The following PRKDC variants were observed in gnomAD, a reference collection of about 807,000 sequenced individuals.
PRKDC encodes protein kinase, DNA-activated, catalytic subunit.
A neutral mutation model predicts 486.9 loss-of-function variants in PRKDC; 82 were observed. That is an observed-to-expected ratio of 0.17 (90% CI 0.14 to 0.20). The LOEUF is 0.20. Ranked by LOEUF, PRKDC falls within the 10% of genes least tolerant of loss-of-function variation. PRKDC has a pLI of 1.00. For missense variants in PRKDC, 4,504 were observed against 5,038.2 expected, an observed-to-expected ratio of 0.89 and a Z score of 3.21; for synonymous variants, 1,895 against 1,837.0, an observed-to-expected ratio of 1.03 and a Z score of -0.81.
intron 12 of PRKDC, 41 bp downstream of exon 12, chr8:47,936,312 A>G: frequency 6.4e-7 from 1 of 1,551,618 alleles, no homozygotes; most frequent in Non-Finnish European, 8.7e-7. Context: ...GAAGAAATGA[A>G]GATTAAATAC....
chr8:47,890,137 T>C (rs566501127), intron 32 of PRKDC, 120 bp downstream of exon 32: 49 of 380,898 alleles, frequency 1.3e-4, no homozygotes, highest in African/African-American at 8.8e-4. Context: ...AATATAATAA[T>C]AATAATAATA....
At chr8:47,822,396 C>A (rs897356231) in intron 64 of PRKDC, among the ~76,000 whole-genome samples, 1 of 151,974 alleles carries the variant, frequency 6.6e-6, no homozygotes, top group African/African-American at 2.4e-5. Flanking sequence ...ATCACAATAA[C>A]TTGATTTACA....
intron 49 of PRKDC, among the ~76,000 whole-genome samples, chr8:47,855,841 G>T (rs2088526682): frequency 6.6e-6 from 1 of 152,174 alleles, no homozygotes; most frequent in Non-Finnish European, 1.5e-5. Flanking sequence ...TAATCCATCT[G>T]GCTGCTGAGC....
At chr8:47,888,921 C>A in intron 33 of PRKDC, 93 bp downstream of exon 33, 1 of 1,328,676 alleles carries the variant, frequency 7.5e-7, no homozygotes, top group Non-Finnish European at 1.1e-6. Flanking sequence ...TAAGCCTTCC[C>A]TGAGGAAGCA....
intron 68 of PRKDC, among the ~76,000 whole-genome samples, chr8:47,812,063 T>A (rs1466280169): frequency 6.6e-6 from 1 of 152,210 alleles, no homozygotes; most frequent in Non-Finnish European, 1.5e-5. Context: ...ACTTAATGTA[T>A]AATAAAAATA....
intron 11 of PRKDC, among the ~76,000 whole-genome samples, chr8:47,938,797 G>A (rs566151384): frequency 6.6e-6 from 1 of 152,254 alleles, no homozygotes; most frequent in South Asian, 2.1e-4. Flanking sequence ...CCTGACCTCA[G>A]GCAATCTGCC....
At position 47,862,391 on chromosome 8, in the gene PRKDC, A is replaced by C. The variant is rs1038681711; in HGVS notation, c.5901T>G (p.Phe1967Leu). The C allele has an allele frequency of 2.5e-6, 4 of 1,613,920 alleles. No homozygotes were observed. Among genetic ancestry groups the C allele is most frequent in the Non-Finnish European group, 2.5e-6 (3 of 1,179,804 alleles). ...NELKFYQGFL[F>L]SEKPEKNLLI... ...GGCCTACCTTTTCTGGTTTTTCACT[A>C]AACAGAAAACCTTGGTAAAATTTTA... The change falls in exon 43 of 86, where the codon TTT becomes TTG. Residue 1967 changes from phenylalanine to leucine, a missense_variant. Phe to Leu is a conservative substitution (Grantham distance 22). This residue lies in a region of PRKDC where 1,592 missense variants were observed against 1,724.6 expected (regional missense o/e 0.92). Transcript: ENST00000314191.
chr8:47,942,040 C>T (rs1461091754), intron 10 of PRKDC, among the ~76,000 whole-genome samples: 1 of 152,186 alleles, frequency 6.6e-6, no homozygotes, highest in African/African-American at 2.4e-5. Flanking sequence ...AGGCAGGCAT[C>T]GCTAGGGAAC....
intron 68 of PRKDC, among the ~76,000 whole-genome samples, chr8:47,810,891 A>T (rs1219237949): frequency 6.6e-6 from 1 of 152,222 alleles, no homozygotes; most frequent in African/African-American, 2.4e-5. Flanking sequence ...TGATGAATAA[A>T]CAACAAAAAA....
At chr8:47,888,982 A>G (rs1411373750) in intron 33 of PRKDC, 32 bp downstream of exon 33, 1 of 1,593,482 alleles carries the variant, frequency 6.3e-7, no homozygotes, top group African/African-American at 1.3e-5. Context: ...ATTCCAGGAC[A>G]ACATGTCCCC....
intron 25 of PRKDC, among the ~76,000 whole-genome samples, chr8:47,907,062 G>A (rs1171302534): frequency 9.3e-5 from 14 of 150,150 alleles, no homozygotes; most frequent in African/African-American, 1.5e-4. Context: ...TTTTTGAGAC[G>A]GAGTCTCGCT....
At chr8:47,879,930 C>T (rs1388201169) in intron 38 of PRKDC, among the ~76,000 whole-genome samples, 2 of 150,730 alleles carry the variant, frequency 1.3e-5, no homozygotes, top group African/African-American at 2.4e-5. Flanking sequence ...CTGCAACCTC[C>T]GCCTCCCGGG....
chr8:47,953,152 A>G (rs999235368), intron 7 of PRKDC, among the ~76,000 whole-genome samples: 1 of 151,770 alleles, frequency 6.6e-6, no homozygotes, highest in South Asian at 2.1e-4. Context: ...AAAAAAAAAG[A>G]AAGTAATTTG....
At chr8:47,878,983 G>C (rs183994566) in intron 39 of PRKDC, among the ~76,000 whole-genome samples, 120 of 152,298 alleles carry the variant, frequency 7.9e-4, no homozygotes, top group African/African-American at 2.7e-3. Flanking sequence ...TCAGATAAGG[G>C]ATGCTCAACC....
In PRKDC at chr8:47,902,576, C is replaced by A. The variant is rs1432931768; in HGVS notation, c.3262G>T (p.Glu1088Ter). The change falls in exon 27 of 86, where the codon GAA (glutamate) becomes TAA (stop). Residue 1088 changes from glutamate to a stop codon, truncating the protein, a stop_gained. Coordinates refer to ENST00000314191, the MANE Select transcript of PRKDC (RefSeq NM_006904.7). LOFTEE classifies it high-confidence loss of function. ...ASLAFNNIYR[E>*]FREEESLVEQ... ...GTTGTGTAGCTTACAAACCTGAATT[C>A]CCTGTAGATATTATTAAAGGCAAGT... The A allele has an allele frequency of 6.4e-7, 1 of 1,572,456 alleles. No individual in the cohort carries two copies. Among genetic ancestry groups the A allele is most frequent in the Admixed American group, 1.9e-5 (1 of 52,530 alleles).
intron 83 of PRKDC, 150 bp from the exon 84 acceptor site, chr8:47,778,024 T>A (rs2086635389): frequency 1.2e-6 from 1 of 816,644 alleles, no homozygotes; most frequent in African/African-American, 1.7e-5. Flanking sequence ...CAGATGTGAG[T>A]TCCTATGCTC....
At chr8:47,890,163 A>ATG in intron 32 of PRKDC, 94 bp downstream of exon 32, 3 of 581,480 alleles carry the variant, frequency 5.2e-6, no homozygotes, top group Non-Finnish European at 7.7e-6. Flanking sequence ...AATAATGATA[A>ATG]ATTTTTATTA....
chr8:47,874,567 G>A (rs1026006148), intron 40 of PRKDC, among the ~76,000 whole-genome samples: 4 of 152,100 alleles, frequency 2.6e-5, no homozygotes, highest in African/African-American at 9.7e-5. Context: ...AGACCAGCCT[G>A]GGCAACACGG....
chr8:47,933,204 ATCTTGTGC>A (rs1325777099), intron 15 of PRKDC, 32 bp from the exon 16 acceptor site: 1 of 1,427,072 alleles, frequency 7.0e-7, no homozygotes, highest in African/African-American at 1.5e-5. Flanking sequence ...AAACTTCAAA[ATCTTGTGC>A]AAAAATGTAT....
Sources: allele counts gnomAD v4.1 joint callset (sites outside exome capture counted in the v4.1 genomes callset), GRCh38; gene constraint gnomAD v4.1.1; regional missense constraint gnomAD v4.1.1; transcripts MANE v1.5; gene names NCBI Gene and HGNC (gene_info 2026-07-23, HGNC 2026-07-21).